Variants in GDPD4 observed in about 807,000 individuals in gnomAD.
The protein encoded by GDPD4 is glycerophosphodiester phosphodiesterase 6.
In GDPD4, 60 loss-of-function variants were observed where a neutral mutation model predicts 67.8. The ratio of observed to expected loss-of-function variants is 0.88; its 90% confidence interval spans 0.72 to 1.10. The LOEUF (loss-of-function observed/expected upper bound fraction) is 1.10. Among genes scored for constraint, GDPD4 ranks in the 50% least tolerant of loss-of-function variants. The pLI is 0.00. For synonymous variants in GDPD4, 212 were observed against 210.9 expected, an observed-to-expected ratio of 1.00 and a Z score of -0.04; for missense variants, 623 against 613.9, an observed-to-expected ratio of 1.01 and a Z score of -0.16.
In GDPD4 at chr11:77,279,410, ATG is replaced by A. The variant is rs1565540153; in HGVS notation, c.54-13_54-12del. ...CCTAGAAAAGTGACCCTGAAAAAAA[ATG>A]TGTTTCAGTTCTTAAAATAATGCAG... On this transcript the variant is annotated splice_polypyrimidine_tract_variant and intron_variant, in intron 3 of 16. Coordinates refer to ENST00000315938, the MANE Select transcript of GDPD4 (RefSeq NM_182833.3). 1.0e-5 allele frequency: 16 copies of A among 1,551,570 alleles called. No homozygotes were observed. Among genetic ancestry groups the A allele is most frequent in the Middle Eastern group, 1.7e-4 (1 of 5,948 alleles).
chr11:77,217,284 TCTTCCTCATTCTTA>T lies in GDPD4; in HGVS notation c.1542_1555del (p.Ser514ArgfsTer2). Reference sequence around the variant, plus strand: ...ATGTGCAAATCTATCTATCTATCTATCTTCCTCATTCTTACTTCCACTCTGAGTATCTGTGGGAT... The same window carrying T: ...ATGTGCAAATCTATCTATCTATCTATCTTCCACTCTGAGTATCTGTGGGAT... On this transcript the variant is annotated frameshift_variant, in exon 17 of 17. Transcript: ENST00000315938. LOFTEE classifies it high-confidence loss of function. The T allele has an allele frequency of 6.2e-7, 1 of 1,606,480 alleles. No individual in the cohort carries two copies. Among genetic ancestry groups the T allele is most frequent in the East Asian group, 2.2e-5 (1 of 44,856 alleles).
rs766589843 is a variant in GDPD4, at chr11:77,270,003, C to G, written c.401-43G>C. On this transcript the variant is annotated intron_variant, in intron 7 of 16. Coordinates refer to ENST00000315938, the MANE Select transcript of GDPD4 (RefSeq NM_182833.3). The stretch of plus-strand genomic sequence containing the variant: ...AAAAAGAAAAGAGTTCATTATTGTC[C>G]CCTTTAAGCCCTTGCCCCAGAAATA... 5 of 929,440 alleles carry G rather than the reference C, an allele frequency of 5.4e-6. No individual in the cohort carries two copies. In the African/African-American group the frequency reaches 6.6e-5, roughly 12 times the overall value. 57.6% of individuals were successfully genotyped at this position (929,440 alleles called of 1,614,324 possible). A position where few individuals can be genotyped will look rare whatever the true frequency, so the allele number is the denominator to read the frequency against.
intron 12 of GDPD4, 76 bp downstream of exon 12, chr11:77,245,205 T>G: frequency 9.3e-7 from 1 of 1,072,338 alleles, no homozygotes; most frequent in Non-Finnish European, 1.4e-6. Context: ...ACAAGGTAGG[T>G]CAAGTTCAAC....
At chr11:77,241,741 G>A (rs780378486) in intron 13 of GDPD4, among the ~76,000 whole-genome samples, 4 of 149,774 alleles carry the variant, frequency 2.7e-5, no homozygotes, top group South Asian at 2.1e-4. Context: ...TCAAGAGATC[G>A]AGACCATCCT....
intron 11 of GDPD4, among the ~76,000 whole-genome samples, chr11:77,255,813 G>A (rs1440279934): frequency 6.6e-6 from 1 of 151,386 alleles, no homozygotes; most frequent in Non-Finnish European, 1.5e-5. Context: ...GTTGCAGTGA[G>A]CCGAGATCAC....
intron 5 of GDPD4, among the ~76,000 whole-genome samples, chr11:77,273,937 A>G (rs1448569653): frequency 6.6e-6 from 1 of 152,196 alleles, no homozygotes; most frequent in African/African-American, 2.4e-5. Context: ...TATGCCTGAA[A>G]AAAGGTGAGA....
At chr11:77,259,355 C>T (rs1249686137) in intron 10 of GDPD4, among the ~76,000 whole-genome samples, 2 of 152,122 alleles carry the variant, frequency 1.3e-5, no homozygotes, top group Non-Finnish European at 2.9e-5. Flanking sequence ...CTTCTATCTG[C>T]AATTTGCTTT....
intron 3 of GDPD4, among the ~76,000 whole-genome samples, chr11:77,283,896 C>A: frequency 6.9e-6 from 1 of 144,596 alleles, no homozygotes; most frequent in South Asian, 2.2e-4. Context: ...GGCTCTGTCA[C>A]CCAGGCTGGA....
intron 16 of GDPD4, among the ~76,000 whole-genome samples, chr11:77,221,228 T>TATC (rs1958218475): frequency 6.6e-6 from 1 of 152,226 alleles, no homozygotes; most frequent in Non-Finnish European, 1.5e-5. Flanking sequence ...TTTGTGTCTC[T>TATC]ATCTCCTTCA....
At chr11:77,217,990 A>T (rs1252619017) in intron 16 of GDPD4, among the ~76,000 whole-genome samples, 3 of 144,794 alleles carry the variant, frequency 2.1e-5, no homozygotes, top group African/African-American at 8.6e-5. Context: ...TTTTATTTTT[A>T]TTAATTAATT....
intron 11 of GDPD4, among the ~76,000 whole-genome samples, chr11:77,246,253 C>T (rs1958783620): frequency 6.6e-6 from 1 of 152,184 alleles, no homozygotes. Context: ...TGCCATTGCA[C>T]TACAGCCTGG....
chr11:77,287,875 A>T (rs1467387846), intron 1 of GDPD4, among the ~76,000 whole-genome samples: 1 of 152,194 alleles, frequency 6.6e-6, no homozygotes, highest in Non-Finnish European at 1.5e-5. Context: ...CCTCTCCCAT[A>T]TGGAATCAGT....
chr11:77,226,247 T>C (rs987601667), intron 16 of GDPD4, among the ~76,000 whole-genome samples: 6 of 152,166 alleles, frequency 3.9e-5, no homozygotes, highest in Admixed American at 2.6e-4. Context: ...GGCTGGATTA[T>C]TGTTATGGGC....
At chr11:77,255,309 G>A (rs1335161556) in intron 11 of GDPD4, among the ~76,000 whole-genome samples, 1 of 152,168 alleles carries the variant, frequency 6.6e-6, no homozygotes, top group Admixed American at 6.5e-5. Context: ...GCTCACATCT[G>A]TAATCCCAGC....
At chr11:77,228,022 C>A in intron 15 of GDPD4, 106 bp from the exon 16 acceptor site, 1 of 814,582 alleles carries the variant, frequency 1.2e-6, no homozygotes, top group Non-Finnish European at 2.2e-6. Flanking sequence ...TTGAAACTTA[C>A]AATCCTATAG....
At chr11:77,248,616 A>G (rs569417076) in intron 11 of GDPD4, among the ~76,000 whole-genome samples, 11 of 152,142 alleles carry the variant, frequency 7.2e-5, no homozygotes, top group Non-Finnish European at 1.6e-4. Flanking sequence ...AGTATCTAAC[A>G]ATCCTGTCTT....
At chr11:77,253,808 T>C (rs1958951731) in intron 11 of GDPD4, among the ~76,000 whole-genome samples, 1 of 152,096 alleles carries the variant, frequency 6.6e-6, no homozygotes, top group Admixed American at 6.5e-5. Context: ...AGGACCCCAG[T>C]GGCAGGGCAT....
intron 5 of GDPD4, among the ~76,000 whole-genome samples, chr11:77,272,933 G>T (rs891365998): frequency 2.6e-5 from 4 of 151,960 alleles, no homozygotes; most frequent in Non-Finnish European, 5.9e-5. Flanking sequence ...TGCTTCACAG[G>T]CGTCATTTTG....
At chr11:77,241,211 A>G (rs779750430) in intron 13 of GDPD4, among the ~76,000 whole-genome samples, 51 of 152,360 alleles carry the variant, frequency 3.3e-4, no homozygotes, top group Non-Finnish European at 5.1e-4. Flanking sequence ...GGGTAAAGAA[A>G]ATGTAATATA....
Sources: allele counts gnomAD v4.1 joint callset (sites outside exome capture counted in the v4.1 genomes callset), GRCh38; gene constraint gnomAD v4.1.1; transcripts MANE v1.5; gene names NCBI Gene and HGNC (gene_info 2026-07-23, HGNC 2026-07-21).